The following CAMK4 variants were observed in gnomAD, a reference collection of about 807,000 sequenced individuals.
CAMK4 encodes the protein calcium/calmodulin dependent protein kinase IV.
CAMK4 carries 22 observed loss-of-function variants against 44.9 expected under a neutral mutation model. That is an observed-to-expected ratio of 0.49 (90% CI 0.35 to 0.70). The LOEUF (loss-of-function observed/expected upper bound fraction) is 0.70, where lower values mean the gene tolerates loss of function less well. Among genes scored for constraint, CAMK4 ranks in the 30% least tolerant of loss-of-function variants. The pLI is 0.01. For missense variants in CAMK4, 498 were observed against 586.8 expected (o/e 0.85, Z 1.56); for synonymous variants, 218 against 215.4 (o/e 1.01, Z -0.11).
At chr5:111,271,478 A>G (rs1343823688) in intron 1 of CAMK4, among the ~76,000 whole-genome samples, 1 of 152,116 alleles carries the variant, frequency 6.6e-6, no homozygotes, top group Admixed American at 6.5e-5. Flanking sequence ...GCACACCTAC[A>G]TTTTCACCAT....
intron 7 of CAMK4, among the ~76,000 whole-genome samples, chr5:111,457,565 T>A (rs950103557): frequency 6.6e-6 from 1 of 152,150 alleles, no homozygotes; most frequent in Non-Finnish European, 1.5e-5. Flanking sequence ...ATGCCAAAAT[T>A]TAAGACAAAT....
chr5:111,230,240 G>T (rs780291156), intron 1 of CAMK4, among the ~76,000 whole-genome samples: 4 of 152,120 alleles, frequency 2.6e-5, no homozygotes, highest in African/African-American at 9.7e-5. Context: ...GTAGCTTGCT[G>T]TTGTTAAAAA....
Position 111,224,725 on chromosome 5 carries a change from G to C in CAMK4, c.161+81G>C, listed in dbSNP as rs1748092976. 3 of 1,381,292 alleles carry C rather than the reference G, an allele frequency of 2.2e-6. No individual in the cohort carries two copies. Among genetic ancestry groups the C allele is most frequent in the Non-Finnish European group, 3.0e-6 (3 of 1,010,404 alleles). The allele number at this position is 1,381,292 out of a possible 1,614,324, so 85.6% of individuals were successfully genotyped here. ...CTCGCAGCGACGGCTCGGAGGGTGC[G>C]GGAGCCTGCCTTCGTGCCCTTCGAT... On this transcript the variant is annotated intron_variant, in intron 1 of 10. Transcript: ENST00000282356. This position sits in a 1 kb window ranked among gnomAD's most constrained non-coding sequence, Gnocchi z 5.7.
chr5:111,429,864 C>T (rs960557761), intron 5 of CAMK4, among the ~76,000 whole-genome samples: 3 of 146,614 alleles, frequency 2.0e-5, no homozygotes, highest in Non-Finnish European at 4.5e-5. Flanking sequence ...GGCTTCACTG[C>T]CAATTTCTAC....
intron 5 of CAMK4, among the ~76,000 whole-genome samples, chr5:111,409,457 C>T (rs980746944): frequency 1.3e-5 from 2 of 152,206 alleles, no homozygotes; most frequent in African/African-American, 4.8e-5. Context: ...CTGGGTCAGG[C>T]CTATGAAACC....
intron 1 of CAMK4, among the ~76,000 whole-genome samples, chr5:111,338,985 T>C (rs760786625): frequency 2.0e-5 from 3 of 151,424 alleles, no homozygotes; most frequent in Admixed American, 6.6e-5. Flanking sequence ...TGTAATTCTG[T>C]GAAAAATGAT....
intron 5 of CAMK4, among the ~76,000 whole-genome samples, chr5:111,408,821 GT>G (rs1415559564): frequency 1.3e-5 from 2 of 152,162 alleles, no homozygotes; most frequent in Non-Finnish European, 2.9e-5. Flanking sequence ...CAAAACATAG[GT>G]GCTACAGGCC....
intron 2 of CAMK4, among the ~76,000 whole-genome samples, chr5:111,360,306 C>T (rs1392499398): frequency 6.6e-6 from 1 of 151,970 alleles, no homozygotes; most frequent in African/African-American, 2.4e-5. Context: ...CTTAGATAAC[C>T]CAGGGAAGCG....
intron 5 of CAMK4, among the ~76,000 whole-genome samples, chr5:111,424,382 G>A (rs750915436): frequency 7.2e-6 from 1 of 139,502 alleles, no homozygotes; most frequent in Non-Finnish European, 1.5e-5. Context: ...GCTGTAATTT[G>A]TAAAATTAAA....
intron 2 of CAMK4, among the ~76,000 whole-genome samples, chr5:111,347,337 A>C (rs954494400): frequency 6.6e-6 from 1 of 152,056 alleles, no homozygotes; most frequent in African/African-American, 2.4e-5. Context: ...GTTTCTGAAT[A>C]ACAGCTCAAG....
At chr5:111,411,557 A>T (rs925025188) in intron 5 of CAMK4, among the ~76,000 whole-genome samples, 1 of 152,240 alleles carries the variant, frequency 6.6e-6, no homozygotes. Flanking sequence ...CCACAACCTG[A>T]TAGGAAATTG....
At chr5:111,357,330 A>T (rs891454963) in intron 2 of CAMK4, among the ~76,000 whole-genome samples, 3 of 152,092 alleles carry the variant, frequency 2.0e-5, no homozygotes, top group Admixed American at 6.6e-5. Context: ...AGGAGATCAA[A>T]GCTGGAGAGT....
chr5:111,231,100 T>C (rs1008937062), intron 1 of CAMK4, among the ~76,000 whole-genome samples: 2 of 152,190 alleles, frequency 1.3e-5, no homozygotes, highest in African/African-American at 4.8e-5. Context: ...ATGGTTTAAT[T>C]AGGAAGTTAG....
intron 1 of CAMK4, among the ~76,000 whole-genome samples, chr5:111,281,333 T>C (rs1751008185): frequency 6.6e-6 from 1 of 152,242 alleles, no homozygotes; most frequent in African/African-American, 2.4e-5. Flanking sequence ...CTGTATTAGC[T>C]TTATAGCTTA....
At chr5:111,344,502 C>A (rs1407133924) in intron 2 of CAMK4, among the ~76,000 whole-genome samples, 1 of 151,408 alleles carries the variant, frequency 6.6e-6, no homozygotes, top group Non-Finnish European at 1.5e-5. Flanking sequence ...ATTAGAAAAG[C>A]TTGCTATTGA....
chr5:111,414,230 A>G (rs971330412), intron 5 of CAMK4, among the ~76,000 whole-genome samples: 1 of 152,206 alleles, frequency 6.6e-6, no homozygotes, highest in African/African-American at 2.4e-5. Flanking sequence ...AGCACAGAGT[A>G]TTGCCTGATG....
intron 2 of CAMK4, among the ~76,000 whole-genome samples, chr5:111,372,896 C>T (rs978907789): frequency 5.3e-5 from 8 of 152,148 alleles, no homozygotes; most frequent in African/African-American, 1.7e-4. Context: ...CTTTTCTCTG[C>T]TCACAGTGAG....
intron 5 of CAMK4, among the ~76,000 whole-genome samples, chr5:111,433,874 A>G (rs1260085237): frequency 6.6e-6 from 1 of 152,214 alleles, no homozygotes; most frequent in Non-Finnish European, 1.5e-5. Context: ...TGGAGAAATT[A>G]GACTTAAGCT....
chr5:111,403,690 G>A (rs1394782701), intron 5 of CAMK4, among the ~76,000 whole-genome samples: 3 of 152,048 alleles, frequency 2.0e-5, no homozygotes, highest in Admixed American at 6.5e-5. Context: ...AGAAATTTTG[G>A]AACAGAATAA....
Sources: gnomAD v4.1 joint callset for allele counts (sites outside exome capture counted in the v4.1 genomes callset) on GRCh38, gnomAD v4.1.1 for gene constraint, Gnocchi (gnomAD v3.1) non-coding constraint, MANE v1.5 for transcripts, NCBI Gene and HGNC (gene_info 2026-07-23, HGNC 2026-07-21) for gene names.